ATRNL1: variants seen among roughly 807,000 people sequenced by gnomAD.
ATRNL1 encodes attractin like 1, also known as attractin-like protein 1.
In ATRNL1, 95 loss-of-function variants were observed where a neutral mutation model predicts 182.7. The ratio of observed to expected loss-of-function variants is 0.52; its 90% CI spans 0.44 to 0.62. ATRNL1 has a LOEUF of 0.62. ATRNL1 is among the 20% of genes least tolerant of loss of function. The pLI, the probability that ATRNL1 is intolerant of heterozygous loss-of-function variation, is 0.00. For synonymous variants in ATRNL1, 576 were observed against 568.3 expected, an observed-to-expected ratio of 1.01 and a Z score of -0.19; for missense variants, 1,471 against 1,679.5, an observed-to-expected ratio of 0.88 and a Z score of 2.17.
chr10:115,671,236 A>C (rs1448056305), intron 26 of ATRNL1, among the ~76,000 whole-genome samples: 1 of 152,152 alleles, frequency 6.6e-6, no homozygotes, highest in African/African-American at 2.4e-5. Context: ...TTTCCTATCA[A>C]GTATTTTTCT....
At chr10:115,536,079 G>C (rs1851976126) in intron 25 of ATRNL1, among the ~76,000 whole-genome samples, 1 of 152,102 alleles carries the variant, frequency 6.6e-6, no homozygotes, top group Non-Finnish European at 1.5e-5. Context: ...CACTTGAGGA[G>C]GCAGTCTGCC....
chr10:115,614,852 TG>T (rs1286494436), intron 26 of ATRNL1, among the ~76,000 whole-genome samples: 1 of 152,220 alleles, frequency 6.6e-6, no homozygotes, highest in African/African-American at 2.4e-5. Flanking sequence ...TGCATGGTTT[TG>T]TTTTCCATTT....
At chr10:115,729,852 G>T (rs1445218718) in intron 27 of ATRNL1, among the ~76,000 whole-genome samples, 4 of 151,824 alleles carry the variant, frequency 2.6e-5, no homozygotes, top group Non-Finnish European at 4.4e-5. Flanking sequence ...TATGGCCTAT[G>T]TAAAGAACAA....
At chr10:115,333,903 G>A (rs1855355847) in intron 18 of ATRNL1, among the ~76,000 whole-genome samples, 1 of 152,058 alleles carries the variant, frequency 6.6e-6, no homozygotes, top group Non-Finnish European at 1.5e-5. Context: ...ATATAATTAA[G>A]ATGAATTTTA....
At chr10:115,590,559 A>T (rs1407907622) in intron 26 of ATRNL1, among the ~76,000 whole-genome samples, 1 of 152,196 alleles carries the variant, frequency 6.6e-6, no homozygotes, top group East Asian at 1.9e-4. Flanking sequence ...AATGAATATT[A>T]ATAAAATCTA....
At chr10:115,377,528 G>A (rs1327117077) in intron 19 of ATRNL1, among the ~76,000 whole-genome samples, 1 of 152,040 alleles carries the variant, frequency 6.6e-6, no homozygotes, top group African/African-American at 2.4e-5. Context: ...TCATTATTTT[G>A]AATTCTTTTT....
At chr10:115,637,648 G>A (rs1267208853) in intron 26 of ATRNL1, among the ~76,000 whole-genome samples, 2 of 100,800 alleles carry the variant, frequency 2.0e-5, no homozygotes, top group Admixed American at 2.3e-4. Flanking sequence ...ATTTTGAGAT[G>A]GAATCTCGCT....
chr10:115,748,773 C>T (rs144065580), intron 27 of ATRNL1, among the ~76,000 whole-genome samples: 298 of 151,954 alleles, frequency 2.0e-3, no homozygotes, highest in Non-Finnish European at 3.3e-3. Context: ...GGAGCATTGC[C>T]GATGCCTTTA....
At chr10:115,353,122 G>T (rs531649206) in intron 19 of ATRNL1, among the ~76,000 whole-genome samples, 1 of 152,256 alleles carries the variant, frequency 6.6e-6, no homozygotes, top group South Asian at 2.1e-4. Context: ...GTGCATTGTT[G>T]ATTTTCTATT....
chr10:115,739,135 C>A (rs1555066976), intron 27 of ATRNL1, among the ~76,000 whole-genome samples: 1 of 152,090 alleles, frequency 6.6e-6, no homozygotes, highest in African/African-American at 2.4e-5. Flanking sequence ...AAACTGGTTT[C>A]TCTTCACTGT....
intron 26 of ATRNL1, among the ~76,000 whole-genome samples, chr10:115,587,346 C>T (rs1555010373): frequency 6.6e-6 from 1 of 152,054 alleles, no homozygotes; most frequent in East Asian, 1.9e-4. Context: ...TGGCGGGCGC[C>T]CCTCCCCCAG....
At chr10:115,362,691 C>A (rs1489944887) in intron 19 of ATRNL1, among the ~76,000 whole-genome samples, 1 of 152,152 alleles carries the variant, frequency 6.6e-6, no homozygotes, top group Non-Finnish European at 1.5e-5. Flanking sequence ...CCACCACAGT[C>A]CCCAGAGTGT....
chr10:115,196,247 A>C (rs905256440), intron 8 of ATRNL1, among the ~76,000 whole-genome samples: 5 of 152,074 alleles, frequency 3.3e-5, no homozygotes, highest in African/African-American at 9.7e-5. Flanking sequence ...TGTGTAGAAA[A>C]ATCAATTGGC....
At chr10:115,547,254 CAAAAAA>C (rs58330605) in intron 25 of ATRNL1, among the ~76,000 whole-genome samples, 1 of 127,420 alleles carries the variant, frequency 7.8e-6, no homozygotes, top group South Asian at 2.3e-4. Flanking sequence ...GACTCCATCT[CAAAAAA>C]AAAATATATA....
At chr10:115,236,023 C>T (rs182486166) in intron 9 of ATRNL1, among the ~76,000 whole-genome samples, 47 of 152,064 alleles carry the variant, frequency 3.1e-4, no homozygotes, top group Admixed American at 9.8e-4. Flanking sequence ...TAATCAATTG[C>T]TATTCTTTAT....
intron 27 of ATRNL1, among the ~76,000 whole-genome samples, chr10:115,778,894 A>T (rs80341644): frequency 6.6e-6 from 1 of 152,178 alleles, no homozygotes; most frequent in Non-Finnish European, 1.5e-5. Context: ...GGATAAAGGG[A>T]TATAACCTTG....
At chr10:115,764,355 A>T (rs2960704) in intron 27 of ATRNL1, among the ~76,000 whole-genome samples, 144,569 of 152,140 alleles carry the variant, frequency 0.95, 69,101 homozygotes, top group East Asian at 1. Flanking sequence ...TCACTCTTTG[A>T]GTTTTACCTT....
At chr10:115,825,824 AG>A (rs1950417724) in intron 27 of ATRNL1, among the ~76,000 whole-genome samples, 1 of 152,252 alleles carries the variant, frequency 6.6e-6, no homozygotes, top group African/African-American at 2.4e-5. Context: ...TAGTTATTCA[AG>A]CTGTGCAAGC....
At chr10:115,382,470 A>G (rs2134236306) in intron 19 of ATRNL1, among the ~76,000 whole-genome samples, 1 of 151,700 alleles carries the variant, frequency 6.6e-6, no homozygotes, top group African/African-American at 2.4e-5. Context: ...TTTTAATTTC[A>G]TTTTCACATT....
Sources: gnomAD v4.1 joint callset for allele counts (sites outside exome capture counted in the v4.1 genomes callset) on GRCh38, gnomAD v4.1.1 for gene constraint, MANE v1.5 for transcripts, NCBI Gene and HGNC (gene_info 2026-07-23, HGNC 2026-07-21) for gene names.